The following SERPINH1 variants were observed in gnomAD, a reference collection of about 807,000 sequenced individuals.
The protein encoded by SERPINH1 is serpin H1.
A neutral mutation model predicts 32.3 loss-of-function variants in SERPINH1; 22 were observed. That is an observed-to-expected ratio of 0.68 (90% confidence interval 0.49 to 0.97). The LOEUF is 0.97. Ranked by LOEUF, SERPINH1 falls within the 50% of genes least tolerant of loss-of-function variation. The pLI is 0.00. For synonymous variants in SERPINH1, 251 were observed against 245.9 expected, an observed-to-expected ratio of 1.02 and a Z score of -0.19; for missense variants, 543 against 576.4, an observed-to-expected ratio of 0.94 and a Z score of 0.59.
chr11:75,566,195 T>G (rs1430049886), intron 1 of SERPINH1, 121 bp from the exon 2 acceptor site: 1 of 860,188 alleles, frequency 1.2e-6, no homozygotes, highest in Admixed American at 2.4e-5. Context: ...CTGGGATTCC[T>G]GGACTGTGGG....
At chr11:75,564,837 G>C (rs1428813451) in intron 1 of SERPINH1, among the ~76,000 whole-genome samples, 1 of 152,218 alleles carries the variant, frequency 6.6e-6, no homozygotes, top group East Asian at 1.9e-4. Flanking sequence ...CCCGGGAGAT[G>C]GGGAGCCTGT....
chr11:75,563,658 C>G (rs545326903), intron 1 of SERPINH1: 1 of 152,744 alleles, frequency 6.5e-6, no homozygotes, highest in Non-Finnish European at 1.5e-5. Flanking sequence ...GTGCCCTCTG[C>G]GCCAGGGGCC....
intron 2 of SERPINH1, 159 bp from the exon 3 acceptor site, chr11:75,568,572 G>C (rs369083637): frequency 1.5e-6 from 1 of 689,072 alleles, no homozygotes. Flanking sequence ...TGGGAACATA[G>C]ACTCTGTGGG....
intron 4 of SERPINH1, among the ~76,000 whole-genome samples, chr11:75,569,888 C>T (rs953931701): frequency 6.6e-6 from 1 of 152,142 alleles, no homozygotes; most frequent in Non-Finnish European, 1.5e-5. Context: ...CCCTCGGTCA[C>T]TGCACTGCCT....
intron 4 of SERPINH1, among the ~76,000 whole-genome samples, chr11:75,569,699 A>G (rs1942164395): frequency 6.6e-6 from 1 of 152,174 alleles, no homozygotes; most frequent in African/African-American, 2.4e-5. Flanking sequence ...CTGGGATTAC[A>G]GGTGTGAGCC....
chr11:75,570,806 G>A (rs746074055), intron 4 of SERPINH1, among the ~76,000 whole-genome samples: 3 of 152,352 alleles, frequency 2.0e-5, no homozygotes, highest in Non-Finnish European at 2.9e-5. Flanking sequence ...AGGTGGGAGA[G>A]ACAGGCAGCA....
At chr11:75,567,868 G>A (rs1285474053) in intron 2 of SERPINH1, 1 of 152,336 alleles carries the variant, frequency 6.6e-6, no homozygotes, top group Non-Finnish European at 1.5e-5. Context: ...AGCTAGGAGA[G>A]CTGAGGTCTC....
rs1414188708 is a variant in SERPINH1 at position 75,572,781 on chromosome 11, A to T, written c.*698A>T. 6.5e-6 allele frequency: 1 copy of T among 153,908 alleles called. No homozygotes were observed. The highest frequency in any genetic ancestry group is 2.4e-5 in the African/African-American group (1 of 41,366). The allele number at this position is 153,908 out of a possible 1,614,324, so 9.5% of individuals were successfully genotyped here. A position where few individuals can be genotyped will look rare whatever the true frequency, so the allele number is the denominator to read the frequency against. On this transcript the variant is annotated 3_prime_UTR_variant, in exon 5 of 5. Transcript: ENST00000358171. ...TTTTTTCAATAAAACTTTTCCAATG[A>T]CATTTTGTTGGAGCGTGGAAGAAGA...
intron 2 of SERPINH1, 69 bp downstream of exon 2, chr11:75,567,040 T>C (rs1942103575): frequency 6.7e-7 from 1 of 1,496,828 alleles, no homozygotes; most frequent in African/African-American, 1.4e-5. Flanking sequence ...TAGGACGACA[T>C]TCCGTGCGCT....
At chr11:75,564,948 GTCT>G (rs1395172889) in intron 1 of SERPINH1, among the ~76,000 whole-genome samples, 5 of 152,238 alleles carry the variant, frequency 3.3e-5, no homozygotes, top group African/African-American at 4.8e-5. Context: ...CAAATGTTCG[GTCT>G]TCTTCAAGGA....
intron 2 of SERPINH1, chr11:75,568,429 G>C: frequency 2.1e-6 from 1 of 467,740 alleles, no homozygotes; most frequent in Non-Finnish European, 4.0e-6. Context: ...AAGTGCTAGA[G>C]CCGGGGGTGG....
intron 1 of SERPINH1, 78 bp from the exon 2 acceptor site, chr11:75,566,238 C>T: frequency 7.6e-7 from 1 of 1,322,630 alleles, no homozygotes; most frequent in Non-Finnish European, 1.1e-6. Context: ...GGACTTGTGG[C>T]AGCCAGAGAG....
Position 75,569,156 on chromosome 11 carries a change from G to T in SERPINH1, c.939G>T (p.Val313=). ...CCTTGCCCAAGGGTGTGGTGGAGGT[G>T]ACCCATGACCTGCAGGTAAGGGGTG... The part of the protein sequence containing the change: ...AISLPKGVVE[V]THDLQKHLAG... Residue 313 remains valine (V), a synonymous_variant, in exon 4 of 5, where the codon GTG becomes GTT. Coordinates refer to ENST00000358171, the MANE Select transcript of SERPINH1 (RefSeq NM_001235.5). 6.2e-7 allele frequency: 1 copy of T among 1,610,016 alleles called. No individual in the cohort carries two copies. The highest frequency in any genetic ancestry group is 1.1e-5 in the South Asian group (1 of 90,492).
At chr11:75,564,877 C>T (rs1942046328) in intron 1 of SERPINH1, among the ~76,000 whole-genome samples, 1 of 152,198 alleles carries the variant, frequency 6.6e-6, no homozygotes. Flanking sequence ...GCAGTAGAAT[C>T]TTCCCAGAAA....
chr11:75,569,285 AGTGCTGGGCTCT>A (rs1942156670), intron 4 of SERPINH1, 114 bp downstream of exon 4: 1 of 742,582 alleles, frequency 1.3e-6, no homozygotes, highest in East Asian at 2.7e-5. Flanking sequence ...ATGTCCAGGC[AGTGCTGGGCTCT>A]GTGATGGGGG....
rs763555596 is a variant in SERPINH1 at position 75,568,803 on chromosome 11, T to G, written c.695T>G (p.Val232Gly). 9 of 1,613,706 alleles carry G rather than the reference T, an allele frequency of 5.6e-6. No individual in the cohort carries two copies. The highest frequency in any genetic ancestry group is 5.3e-5 in the African/African-American group (4 of 74,858). Residue 232 changes from valine to glycine, a missense_variant, in exon 3 of 5, where the codon GTG (valine) becomes GGG (glycine). Coordinates refer to ENST00000358171, the MANE Select transcript of SERPINH1 (RefSeq NM_001235.5). Reference protein sequence around the residue: ...RGFMVTRSYTVGVMMMHRTGL... With the variant: ...RGFMVTRSYTGGVMMMHRTGL... ...TTCATGGTGACTCGGTCCTATACCG[T>G]GGGTGTCATGATGATGCACCGGACA...
chr11:75,571,829 G>T lies in SERPINH1; in HGVS notation c.1003G>T (p.Ala335Ser). 1 of 1,614,140 alleles carries T rather than the reference G, an allele frequency of 6.2e-7. No individual in the cohort carries two copies. Among genetic ancestry groups the T allele is most frequent in the Non-Finnish European group, 8.5e-7 (1 of 1,180,040 alleles). Residue 335 changes from alanine (A) to serine (S), a missense_variant, in exon 5 of 5, where the codon GCC (alanine) becomes TCC (serine). Around this residue, in one of 3 missense-constraint regions of SERPINH1, gnomAD observed 427 missense variants for 446.4 expected, o/e 0.96. Transcript: ENST00000358171. Reference protein sequence around the residue: ...GLTEAIDKNKADLSRMSGKKD... With the variant: ...GLTEAIDKNKSDLSRMSGKKD... ...GACTGAGGCCATTGACAAGAACAAG[G>T]CCGACTTGTCACGCATGTCAGGCAA...
intron 1 of SERPINH1, chr11:75,563,680 T>C (rs78860282): frequency 0.012 from 1,878 of 152,794 alleles, 39 homozygotes; most frequent in African/African-American, 0.043. Flanking sequence ...CCTCACCATC[T>C]CTCCTTTGCC....
intron 2 of SERPINH1, 170 bp from the exon 3 acceptor site, chr11:75,568,561 C>G (rs1399791461): frequency 1.0e-5 from 7 of 676,782 alleles, no homozygotes; most frequent in Non-Finnish European, 1.9e-5. Flanking sequence ...CTTCCCAAAG[C>G]TGGGAACATA....
Sources: allele counts gnomAD v4.1 joint callset (sites outside exome capture counted in the v4.1 genomes callset), GRCh38; gene constraint gnomAD v4.1.1; regional missense constraint gnomAD v4.1.1; transcripts MANE v1.5; gene names NCBI Gene and HGNC (gene_info 2026-07-23, HGNC 2026-07-21).